The following KDM2B variants were observed in gnomAD, a reference collection of about 807,000 sequenced individuals.
KDM2B encodes lysine-specific demethylase 2B.
In KDM2B, 26 loss-of-function variants were observed where a neutral mutation model predicts 150.0. The ratio of observed to expected loss-of-function variants is 0.17; its 90% CI spans 0.13 to 0.24. The LOEUF is 0.24. KDM2B is among the 10% of genes least tolerant of loss of function. The pLI is 1.00. For missense variants in KDM2B, 1,265 were observed against 1,816.9 expected, an observed-to-expected ratio of 0.70 and a Z score of 5.52; for synonymous variants, 734 against 729.5, an observed-to-expected ratio of 1.01 and a Z score of -0.10.
Position 121,520,959 on chromosome 12 carries a change from G to T in KDM2B, c.1047+26C>A, listed in dbSNP as rs781840832. ...CAGAGCTCAGGGGCCAGGCGCGCAC[G>T]CGAGGACAGAAGGGAACCTCCTTAC... On this transcript the variant is annotated intron_variant, in intron 9 of 22. Transcript: ENST00000377071. The surrounding 1 kb of genome is among the most constrained non-coding windows in gnomAD (Gnocchi z 4.5). 2 of 1,584,748 alleles carry T rather than the reference G, an allele frequency of 1.3e-6. No homozygotes were observed. The highest frequency in any genetic ancestry group is 1.3e-5 in the African/African-American group (1 of 74,344).
chr12:121,452,543 G>T lies in KDM2B; in HGVS notation c.1959+577C>A, dbSNP rs1381447033. Among the ~76,000 whole-genome samples, 1 of 152,262 alleles carries T rather than the reference G, an allele frequency of 6.6e-6. No individual in the cohort carries two copies. Among genetic ancestry groups the T allele is most frequent in the Non-Finnish European group, 1.5e-5 (1 of 68,046 alleles). On this transcript the variant is annotated intron_variant, in intron 13 of 22. Transcript: ENST00000377071. The surrounding 1 kb of genome is among the most constrained non-coding windows in gnomAD (Gnocchi z 4.4). ...GGAGCAGCGCCCTGAGGAAGGCAGA[G>T]CATGTGGGTGTGTACAAGGGAATTC...
Position 121,500,045 on chromosome 12 carries a change from C to G in KDM2B, c.1648-5380G>C, listed in dbSNP as rs192355026. Among the ~76,000 whole-genome samples the G allele has an allele frequency of 8.5e-5, 13 of 152,222 alleles. No individual in the cohort carries two copies. In the South Asian group the frequency reaches 1.7e-3, roughly 19 times the overall value. ...TCACACTCATACCTCCCGTTTCCCT[C>G]TGTGTGTGGCCCCCCTGCGGCCACC... On this transcript the variant is annotated intron_variant, in intron 11 of 22. Coordinates refer to ENST00000377071, the MANE Select transcript of KDM2B (RefSeq NM_032590.5).
chr12:121,557,992 C>T (rs1890028981), intron 4 of KDM2B, among the ~76,000 whole-genome samples: 2 of 152,182 alleles, frequency 1.3e-5, no homozygotes, highest in African/African-American at 2.4e-5. Flanking sequence ...CGCAGTTTAC[C>T]TAGTAGCTTC....
chr12:121,517,923 G>A (rs545897137), intron 9 of KDM2B, among the ~76,000 whole-genome samples: 6 of 150,994 alleles, frequency 4.0e-5, no homozygotes, highest in Admixed American at 1.3e-4. Flanking sequence ...ATGGAGTTTC[G>A]CTCTTGTTGC....
the KDM2B span, chr12:121,417,893 A>T: frequency 6.2e-7 from 1 of 1,613,954 alleles, no homozygotes; most frequent in Non-Finnish European, 8.5e-7. The surrounding 1 kb of genome is among the most constrained non-coding windows in gnomAD (Gnocchi z 5.0). Context: ...AAACATCCAG[A>T]TCTGGAGTGC....
Position 121,513,433 on chromosome 12 carries a change from C to T in KDM2B, c.1048-31G>A. ...AGCAAAGACGCAGGCAGGCAGAGGTCAGTTTCCAGAGGGCGAAGGGGGAAG... is the reference window on the plus strand; with the variant it reads ...AGCAAAGACGCAGGCAGGCAGAGGTTAGTTTCCAGAGGGCGAAGGGGGAAG... On this transcript the variant is annotated intron_variant, in intron 9 of 22. Coordinates refer to ENST00000377071, the MANE Select transcript of KDM2B (RefSeq NM_032590.5). This position sits in a 1 kb window ranked among gnomAD's most constrained non-coding sequence, Gnocchi z 5.0. 6.2e-7 allele frequency: 1 copy of T among 1,603,616 alleles called. No homozygotes were observed. The highest frequency in any genetic ancestry group is 1.1e-5 in the South Asian group (1 of 90,766).
intron 22 of KDM2B, among the ~76,000 whole-genome samples, chr12:121,431,424 C>T (rs1289006958): frequency 2.0e-5 from 3 of 150,102 alleles, no homozygotes; most frequent in Non-Finnish European, 3.0e-5. Context: ...GCTGGGATTA[C>T]AGGCTTGCGC....
intron 13 of KDM2B, among the ~76,000 whole-genome samples, chr12:121,449,326 A>G (rs1555291054): frequency 6.6e-6 from 1 of 152,088 alleles, no homozygotes; most frequent in East Asian, 1.9e-4. Context: ...AAAGGAAGAT[A>G]GGTGGGGCTG....
intron 1 of KDM2B, chr12:121,579,765 A>G: frequency 8.2e-7 from 1 of 1,222,864 alleles, no homozygotes; most frequent in Non-Finnish European, 1.1e-6. Context: ...GAGCCCGCTC[A>G]GCCCCCCTCC....
Position 121,467,177 on chromosome 12 carries a change from T to G in KDM2B, c.1735-13833A>C. Reference sequence around the variant, plus strand: ...GCCGACCTGGTCCGGCTCCGATTCATAGTCGTCGTCCTCGGCGCTCACGGA... The same window carrying G: ...GCCGACCTGGTCCGGCTCCGATTCAGAGTCGTCGTCCTCGGCGCTCACGGA... On this transcript the variant is annotated intron_variant, in intron 12 of 22. Transcript: ENST00000377071. The surrounding 1 kb of genome is among the most constrained non-coding windows in gnomAD (Gnocchi z 5.1). The G allele has an allele frequency of 8.9e-7, 1 of 1,120,910 alleles. No individual in the cohort carries two copies. Among genetic ancestry groups the G allele is most frequent in the Non-Finnish European group, 1.1e-6 (1 of 898,422 alleles). The allele number at this position is 1,120,910 out of a possible 1,614,324, so 69.4% of individuals were successfully genotyped here.
At chr12:121,494,870 C>G (rs1422254195) in intron 11 of KDM2B, among the ~76,000 whole-genome samples, 1 of 152,152 alleles carries the variant, frequency 6.6e-6, no homozygotes, top group Non-Finnish European at 1.5e-5. Context: ...CCCCTCTGCC[C>G]TCTACAAAAT....
intron 9 of KDM2B, among the ~76,000 whole-genome samples, chr12:121,517,806 T>C (rs1886354998): frequency 6.6e-6 from 1 of 151,722 alleles, no homozygotes; most frequent in Admixed American, 6.6e-5. Flanking sequence ...AGCCACACCA[T>C]GGAGCTTGGA....
chr12:121,506,774 C>T (rs186117133), intron 11 of KDM2B, among the ~76,000 whole-genome samples: 1 of 152,238 alleles, frequency 6.6e-6, no homozygotes, highest in Non-Finnish European at 1.5e-5. Flanking sequence ...CCCATCTCTA[C>T]TAAAAATACA....
At chr12:121,474,472 C>T (rs1414686581) in intron 12 of KDM2B, among the ~76,000 whole-genome samples, 1 of 151,962 alleles carries the variant, frequency 6.6e-6, no homozygotes, top group East Asian at 1.9e-4. Context: ...GCAGAGATCT[C>T]GCCACTGCAC....
intron 4 of KDM2B, among the ~76,000 whole-genome samples, chr12:121,565,171 T>A (rs1320954778): frequency 6.6e-6 from 1 of 151,690 alleles, no homozygotes; most frequent in Non-Finnish European, 1.5e-5. Context: ...GCTGAAGAAC[T>A]TATCACAGAG....
intron 4 of KDM2B, among the ~76,000 whole-genome samples, chr12:121,550,543 T>C (rs1555311642): frequency 1.3e-5 from 2 of 152,028 alleles, no homozygotes; most frequent in African/African-American, 4.8e-5. Flanking sequence ...CAGACTGAGA[T>C]CATGCAGTGG....
In KDM2B at chr12:121,443,750, G is replaced by A. The variant is rs373807250; in HGVS notation, c.2495C>T (p.Ser832Leu). The A allele has an allele frequency of 9.3e-5, 150 of 1,610,310 alleles. No homozygotes were observed. The highest frequency in any genetic ancestry group is 1.2e-4 in the Non-Finnish European group (140 of 1,179,166). Residue 832 changes from serine (S) to leucine (L), a missense_variant, in exon 17 of 23, where the codon TCG becomes TTG. By Grantham distance (145) the Ser-to-Leu change is moderately radical. This residue lies in a region of KDM2B where 418 missense variants were observed against 402.4 expected (regional missense o/e 1.04). Transcript: ENST00000377071. The part of the protein sequence containing the change: ...QTSPGSSSHL[S>L]PRPPLGSSLS... ...GCTGCTGCCTAGAGGGGGCCTCGGC[G>A]AGAGGTGAGAGGAGGAACCGGGGGA... is the stretch of plus-strand genomic sequence containing the variant.
intron 22 of KDM2B, among the ~76,000 whole-genome samples, chr12:121,433,387 C>T (rs77590023): frequency 0.016 from 2,423 of 152,286 alleles, 62 homozygotes; most frequent in African/African-American, 0.056. Flanking sequence ...GTTCTCCCTC[C>T]GCCTTTAAAC....
chr12:121,577,691 C>T (rs1422149041), intron 2 of KDM2B, among the ~76,000 whole-genome samples: 1 of 152,068 alleles, frequency 6.6e-6, no homozygotes. Flanking sequence ...TTCCAAGGGG[C>T]GTGGGGGGAA....
Sources: allele counts gnomAD v4.1 joint callset (sites outside exome capture counted in the v4.1 genomes callset), GRCh38; gene constraint gnomAD v4.1.1; regional missense constraint gnomAD v4.1.1; non-coding constraint Gnocchi (gnomAD v3.1); transcripts MANE v1.5; gene names NCBI Gene and HGNC (gene_info 2026-07-23, HGNC 2026-07-21).